FBN2: variants seen among roughly 807,000 people sequenced by gnomAD.
FBN2 encodes the protein fibrillin 2.
A neutral mutation model predicts 355.6 loss-of-function variants in FBN2; 105 were observed. The observed-to-expected ratio is 0.30, with a 90% CI of 0.25 to 0.35. The LOEUF (loss-of-function observed/expected upper bound fraction) is 0.35, where lower values mean the gene tolerates loss of function less well. Among genes scored for constraint, FBN2 ranks in the 10% least tolerant of loss-of-function variants. The pLI is 1.00. For missense variants in FBN2, 3,280 were observed against 3,758.7 expected, an observed-to-expected ratio of 0.87 and a Z score of 3.33; for synonymous variants, 1,350 against 1,301.2, an observed-to-expected ratio of 1.04 and a Z score of -0.81.
At chr5:128,343,823 A>AT (rs1364186385) in intron 25 of FBN2, among the ~76,000 whole-genome samples, 2 of 152,220 alleles carry the variant, frequency 1.3e-5, no homozygotes, top group Non-Finnish European at 2.9e-5. Flanking sequence ...TTTGAAAATC[A>AT]TATTTGTATG....
intron 10 of FBN2, 147 bp downstream of exon 10, chr5:128,392,988 G>T: frequency 1.5e-6 from 1 of 686,620 alleles, no homozygotes; most frequent in South Asian, 1.7e-5. Flanking sequence ...TTTTCCCTCT[G>T]TCTCTCTCTC....
chr5:128,377,641 T>G (rs1752113382), intron 13 of FBN2, 111 bp downstream of exon 13: 2 of 1,120,294 alleles, frequency 1.8e-6, no homozygotes, highest in South Asian at 1.2e-5. Context: ...CTAAGTTACC[T>G]GAAGATCTCA....
chr5:128,362,232 G>T (rs571207677), intron 18 of FBN2, among the ~76,000 whole-genome samples: 5 of 152,138 alleles, frequency 3.3e-5, no homozygotes, highest in African/African-American at 1.2e-4. Flanking sequence ...GTAACAGAAG[G>T]CATTTTTTAT....
chr5:128,484,745 G>C (rs912285041), intron 5 of FBN2, among the ~76,000 whole-genome samples: 1 of 152,184 alleles, frequency 6.6e-6, no homozygotes, highest in Non-Finnish European at 1.5e-5. Context: ...AGGAAAGTGA[G>C]ACACAGAGAG....
intron 7 of FBN2, among the ~76,000 whole-genome samples, chr5:128,433,800 T>C (rs767718069): frequency 2.6e-5 from 4 of 152,164 alleles, no homozygotes; most frequent in Non-Finnish European, 4.4e-5. Context: ...GGGACAAAAA[T>C]ATACCTCAGA....
At chr5:128,522,880 A>T (rs1756469846) in intron 4 of FBN2, among the ~76,000 whole-genome samples, 1 of 152,168 alleles carries the variant, frequency 6.6e-6, no homozygotes, top group Non-Finnish European at 1.5e-5. Context: ...TACACCTAGC[A>T]TGACAGTGGC....
intron 5 of FBN2, among the ~76,000 whole-genome samples, chr5:128,501,967 C>G (rs912554766): frequency 6.6e-6 from 1 of 152,154 alleles, no homozygotes; most frequent in Non-Finnish European, 1.5e-5. Flanking sequence ...AGGAAGAAGA[C>G]TATCATTCCA....
In FBN2 at chr5:128,530,591, A is replaced by G; in HGVS notation, c.436+4T>C. Reference sequence around the variant, plus strand: ...AGTGAAAAGGCCACAAGTAAGAAACATACTTGATTTTGATCCACAGGTTGA... The same window carrying G: ...AGTGAAAAGGCCACAAGTAAGAAACGTACTTGATTTTGATCCACAGGTTGA... On this transcript the variant is annotated splice_donor_region_variant and intron_variant, in intron 3 of 64. Transcript: ENST00000262464. The G allele has an allele frequency of 1.9e-6, 3 of 1,592,752 alleles. No homozygotes were observed. The highest frequency in any genetic ancestry group is 1.7e-6 in the Non-Finnish European group (2 of 1,160,680).
At chr5:128,430,466 A>G (rs1054837563) in intron 7 of FBN2, among the ~76,000 whole-genome samples, 6 of 152,172 alleles carry the variant, frequency 3.9e-5, no homozygotes, top group Admixed American at 6.5e-5. Context: ...TCTTGTTCAC[A>G]TTCGTGTCTA....
At chr5:128,451,662 A>C (rs569974299) in intron 6 of FBN2, among the ~76,000 whole-genome samples, 1 of 152,276 alleles carries the variant, frequency 6.6e-6, no homozygotes, top group South Asian at 2.1e-4. Flanking sequence ...GGCCTCCCAA[A>C]GTGCTGAGAT....
chr5:128,481,471 A>C (rs569189560), intron 5 of FBN2, among the ~76,000 whole-genome samples: 20 of 152,314 alleles, frequency 1.3e-4, no homozygotes, highest in Non-Finnish European at 2.6e-4. Flanking sequence ...TATGGCACAG[A>C]GTACAAGTTT....
In FBN2 at chr5:128,511,088, A is replaced by C. The variant is rs1465155913; in HGVS notation, c.628+8185T>G. On this transcript the variant is annotated intron_variant, in intron 5 of 64. Transcript: ENST00000262464. Reference sequence around the variant, plus strand: ...GTTCAGTAAATGTTATCTTCCCTCCAAATTATATAATTTCCAATTTATATT... The same window carrying C: ...GTTCAGTAAATGTTATCTTCCCTCCCAATTATATAATTTCCAATTTATATT... Among the ~76,000 whole-genome samples the C allele has an allele frequency of 2.6e-5, 4 of 152,218 alleles. No individual in the cohort carries two copies. In the East Asian group the frequency reaches 7.7e-4, roughly 29 times the overall value.
chr5:128,528,326 C>T (rs1418796540), intron 3 of FBN2, among the ~76,000 whole-genome samples: 1 of 152,116 alleles, frequency 6.6e-6, no homozygotes, highest in Non-Finnish European at 1.5e-5. Flanking sequence ...TCATAATGGA[C>T]TTGAAAGCTA....
At position 128,536,196 on chromosome 5, in the gene FBN2, C is replaced by T. The variant is rs13170654; in HGVS notation, c.337+206G>A. Among the ~76,000 whole-genome samples the T allele has an allele frequency of 5.2e-3, 789 of 152,284 alleles. 3 individuals are homozygous for T. Among genetic ancestry groups the T allele is most frequent in the Middle Eastern group, 0.017 (5 of 294 alleles). ...TGAAATCTTTATCATTATTGCCCTT[C>T]AACAGAGTCTAGAAGTGAAGTCTGA... On this transcript the variant is annotated intron_variant, in intron 2 of 64. Transcript: ENST00000262464.
Position 128,335,931 on chromosome 5 carries a change from G to A in FBN2, c.3724+57C>T, listed in dbSNP as rs75170825. On this transcript the variant is annotated intron_variant, in intron 28 of 64. Coordinates refer to ENST00000262464, the MANE Select transcript of FBN2 (RefSeq NM_001999.4). ...CCTTCATTATAATTCAGCGCCAAAA[G>A]TTTTCCTAGGCTGATTTGAGACATA... 34,183 of 1,597,268 alleles carry A rather than the reference G, an allele frequency of 0.021. 456 individuals are homozygous for A. The highest frequency in any genetic ancestry group is 0.026 in the Non-Finnish European group (29,809 of 1,168,504).
intron 2 of FBN2, among the ~76,000 whole-genome samples, chr5:128,534,736 T>C (rs992151355): frequency 1.3e-5 from 2 of 152,232 alleles, no homozygotes; most frequent in Non-Finnish European, 2.9e-5. Flanking sequence ...CATATATTTC[T>C]ACTGCAAATA....
chr5:128,269,260 CAAT>C (rs574203752), intron 62 of FBN2, among the ~76,000 whole-genome samples: 51 of 143,758 alleles, frequency 3.5e-4, no homozygotes, highest in African/African-American at 6.2e-4. Context: ...ACTAAAAATA[CAAT>C]AATAATAATA....
At chr5:128,449,901 T>C (rs1471506704) in intron 6 of FBN2, among the ~76,000 whole-genome samples, 1 of 152,100 alleles carries the variant, frequency 6.6e-6, no homozygotes, top group Non-Finnish European at 1.5e-5. Context: ...CTATAAGTAG[T>C]ACTCATCACG....
At chr5:128,284,564 A>G (rs1456528831) in intron 55 of FBN2, among the ~76,000 whole-genome samples, 1 of 152,186 alleles carries the variant, frequency 6.6e-6, no homozygotes, top group Non-Finnish European at 1.5e-5. Context: ...GTAGCTGGTC[A>G]CGGGTCCTAA....
Sources: allele counts gnomAD v4.1 joint callset (sites outside exome capture counted in the v4.1 genomes callset), GRCh38; gene constraint gnomAD v4.1.1; transcripts MANE v1.5; gene names NCBI Gene and HGNC (gene_info 2026-07-23, HGNC 2026-07-21).